The following KLC1 variants were observed in gnomAD, a reference collection of about 807,000 sequenced individuals.
KLC1 encodes the protein kinesin 2 60/70kDa.
Under a neutral mutation model 84.2 loss-of-function variants are expected in KLC1, and 30 were observed. The observed-to-expected ratio is 0.36, with a 90% CI of 0.27 to 0.48. The LOEUF (loss-of-function observed/expected upper bound fraction) is 0.48, where lower values mean the gene tolerates loss of function less well. KLC1 is among the 20% of genes least tolerant of loss of function. The probability of loss-of-function intolerance (pLI) is 0.99; values close to 1 mark genes in which losing one functional copy is unlikely to be tolerated. For missense variants in KLC1, 499 were observed against 805.4 expected (o/e 0.62, Z 4.60); for synonymous variants, 289 against 293.3 (o/e 0.99, Z 0.15).
intron 16 of KLC1, 55 bp downstream of exon 16, chr14:103,700,782 T>A: frequency 7.2e-6 from 10 of 1,396,874 alleles, no homozygotes; most frequent in Non-Finnish European, 6.8e-6. Context: ...AGGGAGGGAC[T>A]TTGCACATGC....
chr14:103,698,877 G>C (rs756426742), intron 15 of KLC1: 2 of 1,606,590 alleles, frequency 1.2e-6, no homozygotes, highest in South Asian at 2.2e-5. Flanking sequence ...GGGCAGGTGG[G>C]GGGCAGAGAG....
chr14:103,698,769 G>A, intron 15 of KLC1: 1 of 1,564,148 alleles, frequency 6.4e-7, no homozygotes, highest in South Asian at 1.2e-5. Flanking sequence ...GGGCTTCTCA[G>A]GCAGGGCTGT....
intron 1 of KLC1, among the ~76,000 whole-genome samples, chr14:103,642,655 CA>C (rs2077577697): frequency 6.6e-6 from 1 of 151,702 alleles, no homozygotes; most frequent in South Asian, 2.1e-4. Context: ...TGCTAAAAAA[CA>C]AAGGGATGGG....
intron 15 of KLC1, chr14:103,699,256 G>A (rs2151907483): frequency 1.9e-6 from 3 of 1,539,702 alleles, no homozygotes; most frequent in Non-Finnish European, 1.7e-6. Context: ...CTACCCGCAG[G>A]AGCCGGAGGC....
Position 103,677,820 on chromosome 14 carries a change from G to A in KLC1, c.1488+297G>A, listed in dbSNP as rs112235764. 1.0e-3 allele frequency among the ~76,000 whole-genome samples: 153 copies of A among 151,988 alleles called. 3 individuals are homozygous for A. In the East Asian group the frequency reaches 0.021, roughly 21 times the overall value. On this transcript the variant is annotated intron_variant, in intron 12 of 16. Coordinates refer to ENST00000334553, the MANE Select transcript of KLC1 (RefSeq NM_001394837.1). ...CTAAAAATACAAAAATTAGCTGGGC[G>A]TGGTGGCACACGCCTGTAATCCTGT... is the stretch of plus-strand genomic sequence containing the variant.
intron 3 of KLC1, among the ~76,000 whole-genome samples, chr14:103,658,986 T>C (rs1249309377): frequency 6.7e-6 from 1 of 148,790 alleles, no homozygotes; most frequent in Non-Finnish European, 1.5e-5. Context: ...TTTTTTTTAC[T>C]TTTTTTTTGA....
At chr14:103,659,753 C>G (rs916961196) in intron 3 of KLC1, among the ~76,000 whole-genome samples, 3 of 152,126 alleles carry the variant, frequency 2.0e-5, no homozygotes, top group African/African-American at 7.2e-5. Context: ...CATTTCCCCT[C>G]TGTCTTCATC....
At chr14:103,637,853 C>T (rs952293819) in intron 1 of KLC1, among the ~76,000 whole-genome samples, 11 of 152,114 alleles carry the variant, frequency 7.2e-5, no homozygotes, top group African/African-American at 2.7e-4. Flanking sequence ...TGCGCACCAC[C>T]ATGACCGGCT....
rs771920982 is a variant in KLC1 at position 103,657,593 on chromosome 14, G to A, written c.309G>A (p.Lys103=). The A allele has an allele frequency of 6.8e-6, 11 of 1,614,198 alleles. No individual in the cohort carries two copies. The highest frequency in any genetic ancestry group is 9.3e-6 in the Non-Finnish European group (11 of 1,180,032). The change falls in exon 3 of 17, where the codon AAG becomes AAA. Residue 103 remains lysine, a synonymous_variant. Coordinates refer to ENST00000334553, the MANE Select transcript of KLC1 (RefSeq NM_001394837.1). ...SNHLNAVESE[K]QKLRAQVRRL... ...ACCTGAATGCTGTGGAGTCCGAGAA[G>A]CAGAAACTGCGTGCGCAGGTTCGTC... is the stretch of plus-strand genomic sequence containing the variant.
At chr14:103,698,524 AC>A in intron 15 of KLC1, 1 of 509,154 alleles carries the variant, frequency 2.0e-6, no homozygotes, top group Non-Finnish European at 3.6e-6. Flanking sequence ...CCTGAGAATC[AC>A]CTCTCCCCAA....
chr14:103,639,467 G>T (rs1046572702), intron 1 of KLC1, among the ~76,000 whole-genome samples: 1 of 151,970 alleles, frequency 6.6e-6, no homozygotes, highest in Non-Finnish European at 1.5e-5. Flanking sequence ...TTTTGTGACA[G>T]GGTTTCGCTG....
intron 5 of KLC1, 90 bp downstream of exon 5, chr14:103,663,017 A>G: frequency 1.2e-6 from 1 of 803,300 alleles, no homozygotes; most frequent in Non-Finnish European, 1.9e-6. Context: ...ATGTATCTGT[A>G]TAAACTATTT....
intron 15 of KLC1, 88 bp downstream of exon 15, chr14:103,692,513 C>A: frequency 8.7e-7 from 1 of 1,146,072 alleles, no homozygotes; most frequent in Non-Finnish European, 1.3e-6. Context: ...CCTGCTCGGC[C>A]CCTGCTCCTG....
At chr14:103,679,287 TG>T (rs777153509) in intron 12 of KLC1, 96 bp from the exon 13 acceptor site, 4 of 1,334,092 alleles carry the variant, frequency 3.0e-6, no homozygotes, top group East Asian at 2.3e-5. Flanking sequence ...GATTAAGAAC[TG>T]TTTTTTTTTT....
chr14:103,660,638 A>C (rs1438068295), intron 3 of KLC1, among the ~76,000 whole-genome samples: 4 of 151,996 alleles, frequency 2.6e-5, no homozygotes, highest in African/African-American at 9.7e-5. Flanking sequence ...AAAAATACAA[A>C]AAAATTAGCT....
chr14:103,666,252 A>G lies in KLC1; in HGVS notation c.798-3259A>G, dbSNP rs2079798709. Reference sequence around the variant, plus strand: ...CTAATTTTTTGTATTTTTAGTAGAGACGGAGTTTCACCATGTTAGCCAGGA... The same window carrying G: ...CTAATTTTTTGTATTTTTAGTAGAGGCGGAGTTTCACCATGTTAGCCAGGA... On this transcript the variant is annotated intron_variant, in intron 5 of 16. Transcript: ENST00000334553. Among the ~76,000 whole-genome samples the G allele has an allele frequency of 1.3e-5, 2 of 151,806 alleles. 1 individual carries two copies.
intron 15 of KLC1, chr14:103,697,566 T>A (rs2082656722): frequency 6.6e-6 from 1 of 152,104 alleles, no homozygotes; most frequent in East Asian, 1.9e-4. Context: ...TCAATGTGTA[T>A]AAATTACTCA....
chr14:103,696,611 C>A, intron 15 of KLC1: 1 of 985,506 alleles, frequency 1.0e-6, no homozygotes, highest in Non-Finnish European at 1.2e-6. Flanking sequence ...GAGCACTTAC[C>A]AGCTCTGACC....
At chr14:103,695,158 T>TTATATA (rs145644634) in intron 15 of KLC1, 12 of 868,158 alleles carry the variant, frequency 1.4e-5, no homozygotes, top group African/African-American at 5.7e-5. Flanking sequence ...AAATGTTAAA[T>TTATATA]TATATATATA....
Sources: allele counts gnomAD v4.1 joint callset (sites outside exome capture counted in the v4.1 genomes callset), GRCh38; gene constraint gnomAD v4.1.1; transcripts MANE v1.5; gene names NCBI Gene and HGNC (gene_info 2026-07-23, HGNC 2026-07-21).